The following TNS1 variants were observed in gnomAD, a reference collection of about 807,000 sequenced individuals.
TNS1 encodes tensin-1.
A neutral mutation model predicts 168.6 loss-of-function variants in TNS1; 62 were observed. That is an observed-to-expected ratio of 0.37 (90% CI 0.30 to 0.45). The LOEUF (loss-of-function observed/expected upper bound fraction) is 0.45, where lower values mean the gene tolerates loss of function less well. TNS1 is among the 20% of genes least tolerant of loss of function. The pLI is 1.00. For missense variants in TNS1, 2,240 were observed against 2,339.4 expected (o/e 0.96, Z 0.88); for synonymous variants, 934 against 933.2 (o/e 1.00, Z -0.02).
chr2:217,953,356 C>T (rs1416699289), intron 3 of TNS1, among the ~76,000 whole-genome samples: 1 of 152,210 alleles, frequency 6.6e-6, no homozygotes, highest in Non-Finnish European at 1.5e-5. Context: ...TGTGTTCAGG[C>T]TGTGAGCCTT....
rs1957003765 is a variant in TNS1 at position 217,943,223 on chromosome 2, C to T, written c.187-22987G>A. Among the ~76,000 whole-genome samples, 3 of 152,158 alleles carry T rather than the reference C, an allele frequency of 2.0e-5. No homozygotes were observed. The South Asian group carries it at 6.2e-4, about 32-fold the overall frequency. ...GAGGGGGCACTTCTGCCAGTCTGTG[C>T]CCATGGGCAAGGGAGCAGGGCCCAC... On this transcript the variant is annotated intron_variant, in intron 3 of 32. Transcript: ENST00000682258.
chr2:217,833,691 A>G (rs1029928565), intron 21 of TNS1, among the ~76,000 whole-genome samples: 1 of 152,252 alleles, frequency 6.6e-6, no homozygotes, highest in African/African-American at 2.4e-5. Context: ...CCAGCACAGC[A>G]GTCACGAGCC....
In TNS1 at chr2:217,930,788, T is replaced by C. The variant is rs1956280981; in HGVS notation, c.187-10552A>G. Among the ~76,000 whole-genome samples the C allele has an allele frequency of 3.3e-5, 5 of 152,006 alleles. No individual in the cohort carries two copies. The South Asian group carries it at 1.0e-3, about 32-fold the overall frequency. ...TAGAAGAGGAGGTGTGAACAGGCAA[T>C]ATGGAATGCAGGCTTCAGAGTCGCC... is the stretch of plus-strand genomic sequence containing the variant. On this transcript the variant is annotated intron_variant, in intron 3 of 32. Coordinates refer to ENST00000682258, the MANE Select transcript of TNS1 (RefSeq NM_001387777.1).
chr2:217,840,654 A>T (rs1171376902), intron 19 of TNS1, among the ~76,000 whole-genome samples: 3 of 152,206 alleles, frequency 2.0e-5, no homozygotes, highest in African/African-American at 7.2e-5. Context: ...ACAGAGCAGC[A>T]GGGGCTGGGG....
intron 3 of TNS1, among the ~76,000 whole-genome samples, chr2:217,952,616 A>G (rs1250954803): frequency 6.6e-6 from 1 of 151,996 alleles, no homozygotes; most frequent in Admixed American, 6.6e-5. Context: ...GCAGTCCCCA[A>G]CCTCCAGACT....
chr2:218,017,129 G>A (rs989720783), intron 1 of TNS1, among the ~76,000 whole-genome samples: 1 of 152,070 alleles, frequency 6.6e-6, no homozygotes, highest in South Asian at 2.1e-4. Context: ...AGTATGGACT[G>A]AGACCCTCAA....
At position 217,891,703 on chromosome 2, in the gene TNS1, C is replaced by T. The variant is rs115737710; in HGVS notation, c.783-658G>A. Among the ~76,000 whole-genome samples the T allele has an allele frequency of 4.6e-3, 694 of 152,334 alleles. 7 individuals carry two copies. Among genetic ancestry groups the T allele is most frequent in the African/African-American group, 0.016 (680 of 41,572 alleles). On this transcript the variant is annotated intron_variant, in intron 11 of 32. Coordinates refer to ENST00000682258, the MANE Select transcript of TNS1 (RefSeq NM_001387777.1). ...CAAACCCCAAAGTCCTCAGTGAGGC[C>T]GCGAGGCCCCATGGCTCTGCCACCT...
intron 8 of TNS1, among the ~76,000 whole-genome samples, chr2:217,895,324 G>T (rs947930463): frequency 6.6e-6 from 1 of 152,162 alleles, no homozygotes; most frequent in East Asian, 1.9e-4. Context: ...TGAACATGCA[G>T]GTGAGTCCCA....
At chr2:217,845,201 GA>G (rs1436234452) in intron 19 of TNS1, among the ~76,000 whole-genome samples, 3 of 152,202 alleles carry the variant, frequency 2.0e-5, no homozygotes, top group East Asian at 3.8e-4. Context: ...AGACCTGGGG[GA>G]GGAAAGCCAG....
At chr2:217,924,692 CAG>C (rs1385354200) in intron 3 of TNS1, among the ~76,000 whole-genome samples, 9 of 152,224 alleles carry the variant, frequency 5.9e-5, no homozygotes, top group African/African-American at 1.7e-4. Flanking sequence ...TCCAAGCCCG[CAG>C]AGTCAGCAAT....
chr2:217,948,987 C>CG lies in TNS1; in HGVS notation c.187-28752dup. ...CAGAGGATGGAAAGGGAAGGAGAGTCGGGGGAAAATGGCCCACCAACAGCT... is the reference window on the plus strand; with the variant it reads ...CAGAGGATGGAAAGGGAAGGAGAGTCGGGGGGAAAATGGCCCACCAACAGCT... On this transcript the variant is annotated intron_variant, in intron 3 of 32. Transcript: ENST00000682258. The surrounding 1 kb of genome is among the most constrained non-coding windows in gnomAD (Gnocchi z 4.1). 6.6e-6 allele frequency among the ~76,000 whole-genome samples: 1 copy of CG among 152,236 alleles called. No individual in the cohort carries two copies. Among genetic ancestry groups the CG allele is most frequent in the South Asian group, 2.1e-4 (1 of 4,822 alleles).
At chr2:217,841,888 C>T (rs1946018913) in intron 19 of TNS1, among the ~76,000 whole-genome samples, 1 of 152,132 alleles carries the variant, frequency 6.6e-6, no homozygotes, top group African/African-American at 2.4e-5. Flanking sequence ...CTGGTCATCA[C>T]CAGAAAAGTC....
chr2:217,813,672 G>C lies in TNS1; in HGVS notation c.4861+13C>G. On this transcript the variant is annotated intron_variant, in intron 26 of 32. Coordinates refer to ENST00000682258, the MANE Select transcript of TNS1 (RefSeq NM_001387777.1). The surrounding 1 kb of genome is among the most constrained non-coding windows in gnomAD (Gnocchi z 4.0). Reference sequence around the variant, plus strand: ...CACCTGGTCCTGAGCCCCATTCTGGGAGATGAGGTTACCTTTTTTATTCTG... The same window carrying C: ...CACCTGGTCCTGAGCCCCATTCTGGCAGATGAGGTTACCTTTTTTATTCTG... 6.2e-7 allele frequency: 1 copy of C among 1,601,594 alleles called. No individual in the cohort carries two copies. The highest frequency in any genetic ancestry group is 2.2e-5 in the East Asian group (1 of 44,714).
intron 3 of TNS1, 52 bp downstream of exon 3, chr2:217,978,713 G>A (rs1957957163): frequency 1.4e-6 from 1 of 694,144 alleles, no homozygotes; most frequent in South Asian, 1.5e-5. Flanking sequence ...CTGGGACCCC[G>A]AGCCAGGCCT....
At chr2:217,949,806 A>C (rs1957198624) in intron 3 of TNS1, among the ~76,000 whole-genome samples, 1 of 152,262 alleles carries the variant, frequency 6.6e-6, no homozygotes, top group South Asian at 2.1e-4. Flanking sequence ...ACTGAAATGC[A>C]AAGCTGACTT....
intron 21 of TNS1, among the ~76,000 whole-genome samples, chr2:217,834,208 C>A (rs1006905569): frequency 2.0e-5 from 3 of 152,218 alleles, no homozygotes; most frequent in Non-Finnish European, 4.4e-5. Flanking sequence ...ACGTACATTG[C>A]CACATTCCTC....
rs529653262 is a variant in TNS1 at position 217,808,392 on chromosome 2, G to A, written c.5342+211C>T. Among the ~76,000 whole-genome samples, 5 of 152,266 alleles carry A rather than the reference G, an allele frequency of 3.3e-5. No homozygotes were observed. The East Asian group carries it at 7.8e-4, about 24-fold the overall frequency. ...GGCATGGCAGAGGGGGTAGCAGTGG[G>A]CACTGAGTCCCTGGGAGGGTCTCCA... On this transcript the variant is annotated intron_variant, in intron 31 of 32. Coordinates refer to ENST00000682258, the MANE Select transcript of TNS1 (RefSeq NM_001387777.1).
chr2:217,913,224 A>G (rs996088369), intron 4 of TNS1, among the ~76,000 whole-genome samples: 2 of 152,168 alleles, frequency 1.3e-5, no homozygotes, highest in African/African-American at 4.8e-5. Flanking sequence ...AGGCCACCAG[A>G]GGAAAAGAAT....
intron 9 of TNS1, among the ~76,000 whole-genome samples, chr2:217,894,793 C>T (rs1439346727): frequency 2.6e-5 from 4 of 152,200 alleles, no homozygotes; most frequent in Admixed American, 2.6e-4. Flanking sequence ...CCCCAGCAGG[C>T]AGACCTGGGT....
Sources: allele counts gnomAD v4.1 joint callset (sites outside exome capture counted in the v4.1 genomes callset), GRCh38; gene constraint gnomAD v4.1.1; non-coding constraint Gnocchi (gnomAD v3.1); transcripts MANE v1.5; gene names NCBI Gene and HGNC (gene_info 2026-07-23, HGNC 2026-07-21).